The following SCAMP2 variants were observed in gnomAD, a reference collection of about 807,000 sequenced individuals.
SCAMP2 encodes the protein secretory carrier membrane protein 2.
In SCAMP2, 25 loss-of-function variants were observed where a neutral mutation model predicts 44.1. The ratio of observed to expected loss-of-function variants is 0.57; its 90% CI spans 0.41 to 0.79. The LOEUF (loss-of-function observed/expected upper bound fraction) is 0.79, where lower values mean the gene tolerates loss of function less well. Among genes scored for constraint, SCAMP2 ranks in the 30% least tolerant of loss-of-function variants. The pLI, the probability that SCAMP2 is intolerant of heterozygous loss-of-function variation, is 0.00. For synonymous variants in SCAMP2, 156 were observed against 166.0 expected, an observed-to-expected ratio of 0.94 and a Z score of 0.46; for missense variants, 355 against 411.0, an observed-to-expected ratio of 0.86 and a Z score of 1.18.
At chr15:74,856,666 T>G (rs2064471159) in intron 1 of SCAMP2, among the ~76,000 whole-genome samples, 1 of 151,036 alleles carries the variant, frequency 6.6e-6, no homozygotes, top group Non-Finnish European at 1.5e-5. Context: ...CAATCATAGC[T>G]CATGGTAGCC....
intron 1 of SCAMP2, among the ~76,000 whole-genome samples, chr15:74,859,599 C>G (rs919631602): frequency 4.0e-5 from 6 of 149,296 alleles, no homozygotes; most frequent in African/African-American, 1.5e-4. Flanking sequence ...CTCCCAGGAA[C>G]GGCCATGAAA....
chr15:74,853,868 T>C, intron 3 of SCAMP2, 153 bp downstream of exon 3: 1 of 647,858 alleles, frequency 1.5e-6, no homozygotes, highest in Non-Finnish European at 2.7e-6. Flanking sequence ...GCCCCTCTAC[T>C]TGTAGGTGAC....
chr15:74,855,253 G>A (rs1213702046), intron 1 of SCAMP2, among the ~76,000 whole-genome samples: 8 of 151,786 alleles, frequency 5.3e-5, no homozygotes, highest in Admixed American at 1.3e-4. Context: ...ACAGGCGGCC[G>A]CCACCATACC....
intron 2 of SCAMP2, 25 bp from the exon 3 acceptor site, chr15:74,854,144 G>C: frequency 6.3e-7 from 1 of 1,594,932 alleles, no homozygotes; most frequent in Middle Eastern, 1.7e-4. Flanking sequence ...TCAAAAGACA[G>C]AATTGAGTGG....
At chr15:74,872,002 G>A (rs1001377418) in intron 1 of SCAMP2, among the ~76,000 whole-genome samples, 4 of 151,912 alleles carry the variant, frequency 2.6e-5, no homozygotes, top group Admixed American at 2.6e-4. Flanking sequence ...CCGAGATCGC[G>A]CTACTGCACT....
chr15:74,853,965 G>T, intron 3 of SCAMP2, 56 bp downstream of exon 3: 3 of 1,454,430 alleles, frequency 2.1e-6, no homozygotes, highest in Non-Finnish European at 2.9e-6. Context: ...CTCAGCTACT[G>T]GTCTGGATGA....
At chr15:74,853,840 A>G in intron 3 of SCAMP2, 181 bp downstream of exon 3, 2 of 606,462 alleles carry the variant, frequency 3.3e-6, no homozygotes, top group East Asian at 5.5e-5. Flanking sequence ...GGGAGTAAGG[A>G]TATTAATTGG....
In SCAMP2 at chr15:74,843,973, T is replaced by G. The variant is rs1376044163; in HGVS notation, c.*1110A>C. ...AGGGACAGGGTGCTGGTTTTAAGGGTGGACTCCTACGTGTCCCATCACAGT... is the reference window on the plus strand; with the variant it reads ...AGGGACAGGGTGCTGGTTTTAAGGGGGGACTCCTACGTGTCCCATCACAGT... On this transcript the variant is annotated 3_prime_UTR_variant, in exon 9 of 9. Coordinates refer to ENST00000268099, the MANE Select transcript of SCAMP2 (RefSeq NM_005697.5). 1 of 151,892 alleles carries G rather than the reference T, an allele frequency of 6.6e-6. No individual in the cohort carries two copies. The highest frequency in any genetic ancestry group is 2.4e-5 in the African/African-American group (1 of 41,344). 9.4% of individuals were successfully genotyped at this position (151,892 alleles called of 1,614,324 possible).
At chr15:74,866,129 C>G (rs1596424768) in intron 1 of SCAMP2, among the ~76,000 whole-genome samples, 1 of 151,840 alleles carries the variant, frequency 6.6e-6, no homozygotes, top group Middle Eastern at 3.4e-3. Flanking sequence ...AAAAAGAACT[C>G]TGGAATACTC....
At chr15:74,849,348 T>C (rs930068446) in intron 6 of SCAMP2, among the ~76,000 whole-genome samples, 14 of 152,166 alleles carry the variant, frequency 9.2e-5, no homozygotes, top group African/African-American at 3.4e-4. Flanking sequence ...CTTGGGAGGC[T>C]GAGACAGGAG....
intron 1 of SCAMP2, among the ~76,000 whole-genome samples, chr15:74,866,922 G>A (rs920972515): frequency 6.6e-5 from 10 of 151,310 alleles, no homozygotes; most frequent in African/African-American, 9.7e-5. Flanking sequence ...TCAGCCTCCC[G>A]AGTAGCTGGA....
chr15:74,851,568 C>T lies in SCAMP2; in HGVS notation c.344-87G>A, dbSNP rs962873800. The T allele has an allele frequency of 5.2e-6, 8 of 1,547,866 alleles. No individual in the cohort carries two copies. In the South Asian group the frequency reaches 8.2e-5, roughly 16 times the overall value. On this transcript the variant is annotated intron_variant, in intron 4 of 8. Transcript: ENST00000268099. ...ATGCACGCCAGCATAGTGTATGGGC[C>T]AAACCAGGGTTCCCAGAGGGGCTCC...
intron 8 of SCAMP2, 64 bp downstream of exon 8, chr15:74,845,409 G>T: frequency 6.2e-7 from 1 of 1,611,798 alleles, no homozygotes. Context: ...ACATCTCGTG[G>T]CAAGGGCAGG....
intron 6 of SCAMP2, 145 bp downstream of exon 6, chr15:74,850,369 C>A (rs898576413): frequency 2.4e-6 from 2 of 819,954 alleles, no homozygotes; most frequent in African/African-American, 1.7e-5. Flanking sequence ...TGGGTGGGAA[C>A]AGAGGAACAG....
At chr15:74,867,905 G>A (rs535401792) in intron 1 of SCAMP2, among the ~76,000 whole-genome samples, 31 of 152,362 alleles carry the variant, frequency 2.0e-4, no homozygotes, top group Admixed American at 9.1e-4. Flanking sequence ...TAATCTGGCA[G>A]AAGTGCTGAG....
chr15:74,864,419 GA>G (rs2064528914), intron 1 of SCAMP2, among the ~76,000 whole-genome samples: 1 of 152,218 alleles, frequency 6.6e-6, no homozygotes, highest in Non-Finnish European at 1.5e-5. Context: ...GGAGGCTGTG[GA>G]GGGGTGTGTG....
intron 1 of SCAMP2, among the ~76,000 whole-genome samples, chr15:74,860,923 C>G (rs2064499297): frequency 6.6e-6 from 1 of 151,706 alleles, no homozygotes; most frequent in Admixed American, 6.6e-5. Context: ...GCCTGTAATC[C>G]CAGCACTTTG....
chr15:74,843,986 G>A lies in SCAMP2; in HGVS notation c.*1097C>T, dbSNP rs1160263502. ...TGGTTTTAAGGGTGGACTCCTACGT[G>A]TCCCATCACAGTGACACACCCCCCA... On this transcript the variant is annotated 3_prime_UTR_variant, in exon 9 of 9. Transcript: ENST00000268099. 6.6e-6 allele frequency: 1 copy of A among 152,130 alleles called. No individual in the cohort carries two copies. The highest frequency in any genetic ancestry group is 1.5e-5 in the Non-Finnish European group (1 of 68,026). 9.4% of individuals were successfully genotyped at this position (152,130 alleles called of 1,614,324 possible). A position where few individuals can be genotyped will look rare whatever the true frequency, so the allele number is the denominator to read the frequency against.
chr15:74,871,157 TG>T (rs1413412775), intron 1 of SCAMP2, among the ~76,000 whole-genome samples: 1 of 152,090 alleles, frequency 6.6e-6, no homozygotes, highest in East Asian at 1.9e-4. Context: ...CAGAAAGGTG[TG>T]GGCTTTAAGT....
Sources: gnomAD v4.1 joint callset for allele counts (sites outside exome capture counted in the v4.1 genomes callset) on GRCh38, gnomAD v4.1.1 for gene constraint, MANE v1.5 for transcripts, NCBI Gene and HGNC (gene_info 2026-07-23, HGNC 2026-07-21) for gene names.